The following CAMTA1 variants were observed in gnomAD, a reference collection of about 807,000 sequenced individuals.
CAMTA1 encodes the protein calmodulin-binding transcription activator 1.
A neutral mutation model predicts 170.9 loss-of-function variants in CAMTA1; 27 were observed. The observed-to-expected ratio is 0.16, with a 90% CI of 0.12 to 0.22. The LOEUF is 0.22. CAMTA1 is among the 10% of genes least tolerant of loss of function. CAMTA1 has a pLI of 1.00. For synonymous variants in CAMTA1, 833 were observed against 891.5 expected (o/e 0.93, Z 1.17); for missense variants, 1,619 against 2,217.2 (o/e 0.73, Z 5.42).
chr1:7,119,861 G>T (rs76877538), intron 4 of CAMTA1, among the ~76,000 whole-genome samples: 1,782 of 152,240 alleles, frequency 0.012, 35 homozygotes, highest in African/African-American at 0.04. Context: ...TCTGAGGATG[G>T]TGCATAGCTA....
rs1023544109 is a variant in CAMTA1 at position 7,641,135 on chromosome 1, G to A, written c.664+582G>A. Among the ~76,000 whole-genome samples, 7 of 152,244 alleles carry A rather than the reference G, an allele frequency of 4.6e-5. No homozygotes were observed. Among genetic ancestry groups the A allele is most frequent in the Non-Finnish European group, 1.5e-5 (1 of 68,040 alleles). ...AACACCGAGTGAGGCAGGGAAGCTGGGGCTGCTCCGTACTTTGTTGCCGTG... is the reference window on the plus strand; with the variant it reads ...AACACCGAGTGAGGCAGGGAAGCTGAGGCTGCTCCGTACTTTGTTGCCGTG... On this transcript the variant is annotated intron_variant, in intron 7 of 22. Transcript: ENST00000303635. The surrounding 1 kb of genome is among the most constrained non-coding windows in gnomAD (Gnocchi z 4.5).
In CAMTA1 at chr1:7,394,811, T is replaced by TTGTGTGTG. The variant is rs61154098; in HGVS notation, c.439-72995_439-72988dup. Reference sequence around the variant, plus strand: ...GCATTTCCCCTATATTTTCTTGTAGTTGTGTGTGTGTGTGTGTGTGTGTGT... The same window carrying TTGTGTGTG: ...GCATTTCCCCTATATTTTCTTGTAGTTGTGTGTGTGTGTGTGTGTGTGTGTGTGTGTGT... On this transcript the variant is annotated intron_variant, in intron 5 of 22. Coordinates refer to ENST00000303635, the MANE Select transcript of CAMTA1 (RefSeq NM_015215.4). Among the ~76,000 whole-genome samples, 159 of 147,550 alleles carry TTGTGTGTG rather than the reference T, an allele frequency of 1.1e-3. 1 individual carries two copies. Among genetic ancestry groups the TTGTGTGTG allele is most frequent in the African/African-American group, 3.1e-3 (126 of 40,030 alleles).
At chr1:7,646,893 G>T (rs113947914) in intron 7 of CAMTA1, among the ~76,000 whole-genome samples, 1 of 152,190 alleles carries the variant, frequency 6.6e-6, no homozygotes. Flanking sequence ...CTAACACACT[G>T]GTCCTCACCT....
At chr1:7,270,585 T>C (rs1669657180) in intron 5 of CAMTA1, among the ~76,000 whole-genome samples, 1 of 152,150 alleles carries the variant, frequency 6.6e-6, no homozygotes, top group Non-Finnish European at 1.5e-5. Context: ...CATGAGCCAC[T>C]GTGCCTGGCC....
chr1:7,366,539 C>A (rs1293149851), intron 5 of CAMTA1, among the ~76,000 whole-genome samples: 1 of 152,254 alleles, frequency 6.6e-6, no homozygotes, highest in Non-Finnish European at 1.5e-5. Flanking sequence ...CAATATTTCC[C>A]TGCTCCGCAG....
intron 1 of CAMTA1, among the ~76,000 whole-genome samples, chr1:6,787,494 A>G (rs952403220): frequency 6.6e-6 from 1 of 152,272 alleles, no homozygotes; most frequent in African/African-American, 2.4e-5. Flanking sequence ...AGGTATACAC[A>G]GATGAAATCA....
At chr1:6,813,768 C>T (rs1028071630) in intron 1 of CAMTA1, among the ~76,000 whole-genome samples, 5 of 151,992 alleles carry the variant, frequency 3.3e-5, no homozygotes, top group African/African-American at 7.2e-5. Context: ...ACTACAGGTT[C>T]GAGCCACTGC....
At chr1:7,662,789 T>C (rs114255503) in intron 8 of CAMTA1, among the ~76,000 whole-genome samples, 1,651 of 152,258 alleles carry the variant, frequency 0.011, 42 homozygotes, top group African/African-American at 0.036. Context: ...AGAACCCTCT[T>C]TGGTCCTGGG....
chr1:7,360,135 T>C (rs1055972751), intron 5 of CAMTA1, among the ~76,000 whole-genome samples: 2 of 152,210 alleles, frequency 1.3e-5, no homozygotes, highest in Admixed American at 6.5e-5. Flanking sequence ...ATCAGTCATA[T>C]TGGATTAGTG....
chr1:7,292,080 A>G (rs923331099), intron 5 of CAMTA1, among the ~76,000 whole-genome samples: 2 of 152,148 alleles, frequency 1.3e-5, no homozygotes, highest in Non-Finnish European at 2.9e-5. Context: ...TTCCACCTAC[A>G]CTTTGAAAAA....
intron 5 of CAMTA1, among the ~76,000 whole-genome samples, chr1:7,408,511 T>C (rs570227287): frequency 6.6e-6 from 1 of 152,312 alleles, no homozygotes; most frequent in African/African-American, 2.4e-5. Context: ...GCTTGGCCAC[T>C]TGTGGGAGCC....
chr1:7,664,716 C>T lies in CAMTA1; in HGVS notation c.2169C>T (p.Thr723=), dbSNP rs2095986942. 6.2e-7 allele frequency: 1 copy of T among 1,608,620 alleles called. No homozygotes were observed. The highest frequency in any genetic ancestry group is 8.5e-7 in the Non-Finnish European group (1 of 1,176,552). Residue 723 remains threonine, a synonymous_variant, in exon 9 of 23, where the codon ACC becomes ACT. Transcript: ENST00000303635. ...CSSEHYLQPE[T]NGVIRSAGGV... is the part of the protein sequence containing the mutation. Reference sequence around the variant, plus strand: ...CTGAGCACTACCTGCAGCCGGAGACCAACGGGGTAATCCGAAGCGCCGGCG... The same window carrying T: ...CTGAGCACTACCTGCAGCCGGAGACTAACGGGGTAATCCGAAGCGCCGGCG...
intron 4 of CAMTA1, among the ~76,000 whole-genome samples, chr1:7,244,076 C>T (rs1306674443): frequency 2.0e-5 from 3 of 152,068 alleles, no homozygotes; most frequent in Admixed American, 1.3e-4. Context: ...AAAAAGTGGG[C>T]GAGGGATATG....
At position 6,887,898 on chromosome 1, in the gene CAMTA1, C is replaced by T. The variant is rs1673655374; in HGVS notation, c.234+62688C>T. 8.0e-6 allele frequency: 11 copies of T among 1,379,884 alleles called. No individual in the cohort carries two copies. Among genetic ancestry groups the T allele is most frequent in the Non-Finnish European group, 1.0e-5 (11 of 1,064,506 alleles). 85.5% of individuals were successfully genotyped at this position (1,379,884 alleles called of 1,614,324 possible). On this transcript the variant is annotated intron_variant, in intron 3 of 22. Coordinates refer to ENST00000303635, the MANE Select transcript of CAMTA1 (RefSeq NM_015215.4). The surrounding 1 kb of genome is among the most constrained non-coding windows in gnomAD (Gnocchi z 4.1). ...AGAATAAAGTGACCTACTCTTGCCT[C>T]ATCCGGAGTTATTACGAAGGAGCTC...
chr1:7,139,000 A>T (rs900046393), intron 4 of CAMTA1, among the ~76,000 whole-genome samples: 27 of 144,614 alleles, frequency 1.9e-4, no homozygotes, highest in Non-Finnish European at 2.7e-4. Flanking sequence ...GTCTCAAAAA[A>T]ATATATATAT....
At chr1:7,352,522 T>A (rs2084763578) in intron 5 of CAMTA1, among the ~76,000 whole-genome samples, 1 of 152,202 alleles carries the variant, frequency 6.6e-6, no homozygotes, top group Non-Finnish European at 1.5e-5. Flanking sequence ...GTGTGTGGCG[T>A]GTGTCTCTGC....
chr1:6,805,714 A>G (rs1414538805), intron 1 of CAMTA1, among the ~76,000 whole-genome samples: 1 of 152,024 alleles, frequency 6.6e-6, no homozygotes, highest in Non-Finnish European at 1.5e-5. Flanking sequence ...ATATTATATT[A>G]TGCCCAGGCT....
At chr1:7,543,008 G>C (rs1236881620) in intron 6 of CAMTA1, among the ~76,000 whole-genome samples, 1 of 152,058 alleles carries the variant, frequency 6.6e-6, no homozygotes, top group East Asian at 1.9e-4. Context: ...GGGACTACAG[G>C]CGCCCTCCAC....
intron 6 of CAMTA1, among the ~76,000 whole-genome samples, chr1:7,551,786 G>A (rs948820272): frequency 1.3e-5 from 2 of 152,168 alleles, no homozygotes; most frequent in Admixed American, 6.5e-5. Flanking sequence ...TCCCTAAGAG[G>A]TTCTCTCTGG....
Sources: allele counts gnomAD v4.1 joint callset (sites outside exome capture counted in the v4.1 genomes callset), GRCh38; gene constraint gnomAD v4.1.1; non-coding constraint Gnocchi (gnomAD v3.1); transcripts MANE v1.5; gene names NCBI Gene and HGNC (gene_info 2026-07-23, HGNC 2026-07-21).